LINGO1: variants seen among roughly 807,000 people sequenced by gnomAD.
LINGO1 encodes leucine rich repeat and Ig domain containing 1.
LINGO1 carries 11 observed loss-of-function variants against 37.3 expected under a neutral mutation model. The ratio of observed to expected loss-of-function variants is 0.29; its 90% CI spans 0.19 to 0.49. LINGO1 has a LOEUF of 0.49. LINGO1 is among the 20% of genes least tolerant of loss of function. LINGO1 has a pLI of 0.99. For synonymous variants in LINGO1, 387 were observed against 403.0 expected, an observed-to-expected ratio of 0.96 and a Z score of 0.48; for missense variants, 585 against 878.2, an observed-to-expected ratio of 0.67 and a Z score of 4.22.
At chr15:77,624,049 G>A (rs996906221) in intron 1 of LINGO1, among the ~76,000 whole-genome samples, 4 of 149,472 alleles carry the variant, frequency 2.7e-5, no homozygotes, top group East Asian at 2.0e-4. Context: ...TGTGGTGTGT[G>A]TGTGAGTGCG....
chr15:77,806,350 G>T (rs895824985), intron 1 of LINGO1, among the ~76,000 whole-genome samples: 65 of 152,268 alleles, frequency 4.3e-4, no homozygotes, highest in African/African-American at 1.5e-3. Flanking sequence ...CACATTCTCT[G>T]CAAACAGGAA....
chr15:77,726,005 C>T (rs2076098442), intron 2 of LINGO1, among the ~76,000 whole-genome samples: 3 of 152,212 alleles, frequency 2.0e-5, no homozygotes, highest in Admixed American at 2.0e-4. Flanking sequence ...GGTTTCAGCT[C>T]AGAGCTTCTG....
At chr15:77,617,750 C>G (rs1048876905) in intron 1 of LINGO1, among the ~76,000 whole-genome samples, 2 of 152,254 alleles carry the variant, frequency 1.3e-5, no homozygotes, top group Non-Finnish European at 2.9e-5. Flanking sequence ...GAGCTCTGGT[C>G]TGCCCACAAA....
chr15:77,614,260 A>T lies in LINGO1; in HGVS notation c.1647T>A (p.Pro549=). 2 of 1,614,008 alleles carry T rather than the reference A, an allele frequency of 1.2e-6. No homozygotes were observed. The highest frequency in any genetic ancestry group is 1.7e-6 in the Non-Finnish European group (2 of 1,179,884). The change falls in exon 2 of 2, where the codon CCT becomes CCA. Residue 549 remains proline (P), a synonymous_variant. Coordinates refer to ENST00000355300, the MANE Select transcript of LINGO1 (RefSeq NM_032808.7). ...GEANSTRATV[P]FPFDIKTLII... ...TGAGGGTCTTGATGTCGAAGGGGAA[A>T]GGCACAGTGGCGCGGGTGCTGTTGG...
At chr15:77,693,575 A>G (rs530123902) in intron 1 of LINGO1, among the ~76,000 whole-genome samples, 17 of 152,346 alleles carry the variant, frequency 1.1e-4, no homozygotes, top group South Asian at 4.1e-4. Flanking sequence ...GGTTTTAACC[A>G]GGTAAGTGCT....
intron 3 of LINGO1, among the ~76,000 whole-genome samples, chr15:77,669,447 G>A (rs2075208731): frequency 6.6e-6 from 1 of 152,176 alleles, no homozygotes; most frequent in Admixed American, 6.5e-5. Flanking sequence ...GTAGTCCCCT[G>A]AGTGAATGGC....
chr15:77,746,632 G>T (rs1373326025), intron 1 of LINGO1, among the ~76,000 whole-genome samples: 1 of 152,168 alleles, frequency 6.6e-6, no homozygotes, highest in Non-Finnish European at 1.5e-5. Flanking sequence ...GAGGAGCCCT[G>T]CCTGGAGGAT....
At chr15:77,657,413 C>T (rs1432390948) in intron 3 of LINGO1, among the ~76,000 whole-genome samples, 1 of 152,138 alleles carries the variant, frequency 6.6e-6, no homozygotes, top group Non-Finnish European at 1.5e-5. Context: ...GAATGTGGCC[C>T]CTTCACCAGC....
At chr15:77,678,310 C>T (rs957920517) in intron 2 of LINGO1, among the ~76,000 whole-genome samples, 2 of 152,160 alleles carry the variant, frequency 1.3e-5, no homozygotes, top group African/African-American at 4.8e-5. Flanking sequence ...CCCCAAATCC[C>T]GGCATGCTGT....
intron 1 of LINGO1, among the ~76,000 whole-genome samples, chr15:77,757,574 G>A (rs1321380757): frequency 6.6e-6 from 1 of 152,228 alleles, no homozygotes; most frequent in Admixed American, 6.5e-5. Context: ...CCACGTAGAT[G>A]TCATGGTCTC....
Position 77,753,499 on chromosome 15 carries a change from C to G in LINGO1, c.-256-18446G>C, listed in dbSNP as rs1271541724. On this transcript the variant is annotated intron_variant, in intron 1 of 3. Coordinates refer to the LINGO1 transcript ENST00000561686. ...CAGCCCTCCCTGGGGCTGGTGGGCA[C>G]AAAAGATGAACATCGTCATGGAGAC... Among the ~76,000 whole-genome samples, 7 of 152,240 alleles carry G rather than the reference C, an allele frequency of 4.6e-5. No individual in the cohort carries two copies. In the South Asian group the frequency reaches 8.3e-4, roughly 18 times the overall value.
chr15:77,636,293 T>G (rs1043015132), upstream of LINGO1, among the ~76,000 whole-genome samples: 3 of 152,198 alleles, frequency 2.0e-5, no homozygotes, highest in African/African-American at 7.2e-5. Context: ...CCTGCCTACA[T>G]GCCTGCTCTA....
intron 3 of LINGO1, among the ~76,000 whole-genome samples, chr15:77,644,542 G>T (rs1043819311): frequency 6.6e-6 from 1 of 152,244 alleles, no homozygotes; most frequent in Non-Finnish European, 1.5e-5. Flanking sequence ...CATTGGTGGA[G>T]GTGCTAGCAA....
At chr15:77,718,593 AC>A (rs1472146913) in intron 2 of LINGO1, among the ~76,000 whole-genome samples, 1 of 150,802 alleles carries the variant, frequency 6.6e-6, no homozygotes, top group Admixed American at 6.6e-5. Flanking sequence ...CCAATATCGG[AC>A]CCCAGAGATG....
At chr15:77,716,419 T>C (rs1413316888) in intron 2 of LINGO1, among the ~76,000 whole-genome samples, 1 of 148,950 alleles carries the variant, frequency 6.7e-6, no homozygotes, top group Admixed American at 6.8e-5. Flanking sequence ...TAGCTAGGAC[T>C]ACAGGTGTGC....
chr15:77,695,347 A>G (rs1028580591), intron 1 of LINGO1, among the ~76,000 whole-genome samples: 3 of 152,062 alleles, frequency 2.0e-5, no homozygotes, highest in Non-Finnish European at 4.4e-5. Context: ...CGACACAAAG[A>G]AAGGATAAAG....
chr15:77,662,469 C>A (rs916298680), intron 3 of LINGO1, among the ~76,000 whole-genome samples: 3 of 152,112 alleles, frequency 2.0e-5, no homozygotes, highest in Admixed American at 2.0e-4. Flanking sequence ...AACATGACCC[C>A]ACCCTCACCT....
At chr15:77,676,390 T>C (rs920517131) in intron 3 of LINGO1, among the ~76,000 whole-genome samples, 2 of 152,268 alleles carry the variant, frequency 1.3e-5, no homozygotes, top group Non-Finnish European at 2.9e-5. Context: ...TGAAAAATTA[T>C]TTGTTGTCTA....
chr15:77,683,441 G>T (rs1460415628), intron 2 of LINGO1, among the ~76,000 whole-genome samples: 1 of 152,164 alleles, frequency 6.6e-6, no homozygotes, highest in East Asian at 1.9e-4. Flanking sequence ...TTGCAAGAGT[G>T]AAAAATGGAA....
Sources: gnomAD v4.1 joint callset for allele counts (sites outside exome capture counted in the v4.1 genomes callset) on GRCh38, gnomAD v4.1.1 for gene constraint, MANE v1.5 for transcripts, NCBI Gene and HGNC (gene_info 2026-07-23, HGNC 2026-07-21) for gene names.